The following PDE1C variants were observed in gnomAD, a reference collection of about 807,000 sequenced individuals.
The protein encoded by PDE1C is dual specificity calcium/calmodulin-dependent 3',5'-cyclic nucleotide phosphodiesterase 1C.
A neutral mutation model predicts 93.1 loss-of-function variants in PDE1C; 62 were observed. The observed-to-expected ratio is 0.67, with a 90% CI of 0.54 to 0.82. The LOEUF (loss-of-function observed/expected upper bound fraction) is 0.82, where lower values mean the gene tolerates loss of function less well. PDE1C is among the 40% of genes least tolerant of loss of function. The pLI is 0.00. For missense variants in PDE1C, 742 were observed against 884.6 expected, an observed-to-expected ratio of 0.84 and a Z score of 2.04; for synonymous variants, 325 against 310.1, an observed-to-expected ratio of 1.05 and a Z score of -0.50.
At chr7:32,175,829 T>C (rs79256479) in intron 2 of PDE1C, among the ~76,000 whole-genome samples, 6 of 152,210 alleles carry the variant, frequency 3.9e-5, no homozygotes, top group African/African-American at 9.7e-5. Flanking sequence ...ATACTGTAAA[T>C]TGGAGAAAAC....
the PDE1C span, among the ~76,000 whole-genome samples, chr7:31,697,504 G>A: frequency 5.3e-5 from 8 of 152,124 alleles, no homozygotes; most frequent in African/African-American, 1.9e-4. Flanking sequence ...TCCTCAAAAT[G>A]AGAGACAGAA....
At chr7:32,311,066 A>G (rs1009646373) in intron 1 of PDE1C, among the ~76,000 whole-genome samples, 11 of 152,200 alleles carry the variant, frequency 7.2e-5, no homozygotes, top group African/African-American at 2.4e-4. Context: ...AATGATAAAG[A>G]AGATATCACC....
At chr7:31,864,136 C>T (rs1477552282) in intron 7 of PDE1C, among the ~76,000 whole-genome samples, 1 of 151,974 alleles carries the variant, frequency 6.6e-6, no homozygotes, top group African/African-American at 2.4e-5. Flanking sequence ...GAATGGCTTA[C>T]ATCAAGGAAA....
At chr7:32,016,544 G>A (rs1584466392) in intron 2 of PDE1C, among the ~76,000 whole-genome samples, 1 of 152,020 alleles carries the variant, frequency 6.6e-6, no homozygotes, top group Non-Finnish European at 1.5e-5. Flanking sequence ...AATATAAATA[G>A]AAGTATGTGC....
At chr7:32,367,200 A>G (rs974977843) in intron 1 of PDE1C, among the ~76,000 whole-genome samples, 4 of 152,210 alleles carry the variant, frequency 2.6e-5, no homozygotes, top group African/African-American at 9.6e-5. Flanking sequence ...CTACAACTGG[A>G]AGTCATTGTA....
At chr7:31,797,831 G>T (rs1454003179) in intron 16 of PDE1C, among the ~76,000 whole-genome samples, 3 of 151,672 alleles carry the variant, frequency 2.0e-5, no homozygotes, top group Non-Finnish European at 2.9e-5. Context: ...GACTGAAAGT[G>T]AACAAGAATA....
chr7:31,702,513 C>A, the PDE1C span, among the ~76,000 whole-genome samples: 5 of 152,316 alleles, frequency 3.3e-5, no homozygotes, highest in South Asian at 1.0e-3. Context: ...TCAGCCAGCT[C>A]GAAGCCTCTG....
chr7:32,253,935 G>A (rs1268142055), intron 1 of PDE1C, among the ~76,000 whole-genome samples: 4 of 152,106 alleles, frequency 2.6e-5, no homozygotes, highest in African/African-American at 9.7e-5. Context: ...ATAAGCCTGA[G>A]AACACCATCC....
At chr7:32,163,894 AAACTG>A (rs1802064948) in intron 3 of PDE1C, among the ~76,000 whole-genome samples, 1 of 152,144 alleles carries the variant, frequency 6.6e-6, no homozygotes, top group African/African-American at 2.4e-5. Flanking sequence ...AGGGTTTTAA[AAACTG>A]AAGTGAGAAA....
chr7:31,721,748 T>C, the PDE1C span, among the ~76,000 whole-genome samples: 11 of 152,360 alleles, frequency 7.2e-5, no homozygotes, highest in East Asian at 2.1e-3. Flanking sequence ...TACAACCACC[T>C]GCCGAGATGG....
chr7:32,413,461 TAA>T, intron 1 of PDE1C, among the ~76,000 whole-genome samples: 1 of 152,272 alleles, frequency 6.6e-6, no homozygotes, highest in East Asian at 1.9e-4. Flanking sequence ...CTAAGTGAAA[TAA>T]GTCAATCACA....
At chr7:31,836,398 G>A (rs1038410257) in intron 11 of PDE1C, among the ~76,000 whole-genome samples, 3 of 152,002 alleles carry the variant, frequency 2.0e-5, no homozygotes, top group Admixed American at 6.6e-5. Flanking sequence ...ACGGCAGTGC[G>A]ATCTCGGCTA....
chr7:32,197,688 T>C (rs1804715075), intron 2 of PDE1C, among the ~76,000 whole-genome samples: 1 of 152,174 alleles, frequency 6.6e-6, no homozygotes, highest in African/African-American at 2.4e-5. Flanking sequence ...ATCAAAAACA[T>C]AGCCAGTCAC....
intron 1 of PDE1C, among the ~76,000 whole-genome samples, chr7:32,361,247 C>T (rs1282838928): frequency 2.6e-5 from 4 of 152,188 alleles, no homozygotes; most frequent in Admixed American, 2.6e-4. Flanking sequence ...GTCCTATCTG[C>T]AGTCTTTCAC....
At chr7:32,024,454 G>A (rs537308974) in intron 2 of PDE1C, among the ~76,000 whole-genome samples, 1 of 149,940 alleles carries the variant, frequency 6.7e-6, no homozygotes, top group South Asian at 2.1e-4. Flanking sequence ...TAAGAGCCTG[G>A]GACTCAAGAA....
At chr7:31,652,424 A>G in the PDE1C span, 1 of 1,471,942 alleles carries the variant, frequency 6.8e-7, no homozygotes, top group Non-Finnish European at 9.0e-7. Context: ...TAGAGAATCG[A>G]CCACCTCATA....
the PDE1C span, among the ~76,000 whole-genome samples, chr7:31,745,627 T>C: frequency 6.6e-6 from 1 of 152,178 alleles, no homozygotes; most frequent in African/African-American, 2.4e-5. Context: ...ACAACTAAGA[T>C]TTCCAAAGGC....
At chr7:31,912,858 G>A (rs745687600) in intron 2 of PDE1C, among the ~76,000 whole-genome samples, 1 of 151,908 alleles carries the variant, frequency 6.6e-6, no homozygotes, top group African/African-American at 2.4e-5. Flanking sequence ...ACACAGAAAT[G>A]TATTTCAAAG....
chr7:31,657,738 A>T, the PDE1C span, among the ~76,000 whole-genome samples: 1 of 152,192 alleles, frequency 6.6e-6, no homozygotes, highest in African/African-American at 2.4e-5. Flanking sequence ...GCAAATCCAG[A>T]TCACATATTT....
Sources: gnomAD v4.1 joint callset for allele counts (sites outside exome capture counted in the v4.1 genomes callset) on GRCh38, gnomAD v4.1.1 for gene constraint, MANE v1.5 for transcripts, NCBI Gene and HGNC (gene_info 2026-07-23, HGNC 2026-07-21) for gene names.